Variants in ATP10D observed in about 807,000 individuals in gnomAD.
ATP10D encodes the protein phospholipid-transporting ATPase VD.
A neutral mutation model predicts 144.8 loss-of-function variants in ATP10D; 89 were observed. That is an observed-to-expected ratio of 0.61 (90% CI 0.52 to 0.73). The LOEUF is 0.73. Among genes scored for constraint, ATP10D ranks in the 30% least tolerant of loss-of-function variants. The pLI is 0.00. For synonymous variants in ATP10D, 571 were observed against 615.1 expected, an observed-to-expected ratio of 0.93 and a Z score of 1.06; for missense variants, 1,603 against 1,714.8, an observed-to-expected ratio of 0.93 and a Z score of 1.15.
intron 5 of ATP10D, among the ~76,000 whole-genome samples, chr4:47,528,047 A>G (rs188200877): frequency 5.2e-4 from 79 of 152,308 alleles, no homozygotes; most frequent in Admixed American, 4.6e-3. Context: ...AATTCTAGGA[A>G]AAGTAACAGT....
intron 5 of ATP10D, 152 bp from the exon 6 acceptor site, chr4:47,535,357 C>A: frequency 1.8e-6 from 1 of 552,098 alleles, no homozygotes; most frequent in Non-Finnish European, 3.0e-6. Flanking sequence ...CAAGTAACTG[C>A]AATAACCAAA....
At chr4:47,573,080 T>C in intron 18 of ATP10D, 83 bp downstream of exon 18, 2 of 1,494,530 alleles carry the variant, frequency 1.3e-6, no homozygotes, top group Non-Finnish European at 1.8e-6. Flanking sequence ...AAGTGTCCTA[T>C]GCTAAGCTCA....
intron 1 of ATP10D, among the ~76,000 whole-genome samples, chr4:47,487,757 T>C (rs1714847080): frequency 6.6e-6 from 1 of 152,216 alleles, no homozygotes; most frequent in Admixed American, 6.5e-5. Flanking sequence ...GTAAAAGAGT[T>C]GTGGCCTTAA....
intron 1 of ATP10D, among the ~76,000 whole-genome samples, chr4:47,503,156 C>T (rs1335716834): frequency 2.0e-5 from 3 of 151,906 alleles, no homozygotes; most frequent in Non-Finnish European, 2.9e-5. Context: ...GAGCCGAGAC[C>T]GGACCACTGC....
intron 15 of ATP10D, among the ~76,000 whole-genome samples, chr4:47,567,498 G>A (rs564712333): frequency 2.6e-4 from 40 of 152,200 alleles, no homozygotes; most frequent in Non-Finnish European, 1.0e-4. Context: ...TTATGTTATT[G>A]TATGGTATTG....
intron 22 of ATP10D, 116 bp downstream of exon 22, chr4:47,587,322 C>A: frequency 1.1e-6 from 1 of 907,066 alleles, no homozygotes; most frequent in Non-Finnish European, 1.7e-6. Context: ...GTGAGAAAGT[C>A]AATTTGTGTC....
rs189969500 is a variant in ATP10D at position 47,527,470 on chromosome 4, G to C, written c.776+1828G>C. Among the ~76,000 whole-genome samples, 6 of 152,152 alleles carry C rather than the reference G, an allele frequency of 3.9e-5. No homozygotes were observed. The East Asian group carries it at 1.2e-3, about 29-fold the overall frequency. ...AGAACTCATCAAAATTTAAAATTTT[G>C]CTCCTCCAATGATACTGTTTTTACA... On this transcript the variant is annotated intron_variant, in intron 5 of 22. Transcript: ENST00000273859.
At chr4:47,527,201 G>A (rs903370806) in intron 5 of ATP10D, among the ~76,000 whole-genome samples, 4 of 152,046 alleles carry the variant, frequency 2.6e-5, no homozygotes, top group Admixed American at 1.3e-4. Context: ...CACATAGATG[G>A]AGAAAGGTTA....
chr4:47,569,569 A>G (rs1403756284), intron 16 of ATP10D, among the ~76,000 whole-genome samples: 1 of 152,218 alleles, frequency 6.6e-6, no homozygotes, highest in Non-Finnish European at 1.5e-5. Context: ...TTTCTAAGGA[A>G]TGGAGATACA....
At chr4:47,514,506 T>C (rs1716525858) in intron 2 of ATP10D, among the ~76,000 whole-genome samples, 1 of 152,196 alleles carries the variant, frequency 6.6e-6, no homozygotes, top group Non-Finnish European at 1.5e-5. Context: ...AGTTTCATGG[T>C]CAATGGAAAA....
At chr4:47,580,712 A>T (rs1160119081) in intron 20 of ATP10D, among the ~76,000 whole-genome samples, 3 of 152,178 alleles carry the variant, frequency 2.0e-5, no homozygotes. Flanking sequence ...CTGCTTAAAA[A>T]TTTTTATCAA....
chr4:47,570,925 C>T lies in ATP10D; in HGVS notation c.3164-1229C>T, dbSNP rs558043095. On this transcript the variant is annotated intron_variant, in intron 16 of 22. Transcript: ENST00000273859. ...TATGAGATTAAGATCTCAGAGACTC[C>T]AGTGTTAAACTGAGGACTTGGCATA... is the stretch of plus-strand genomic sequence containing the variant. 3.9e-5 allele frequency among the ~76,000 whole-genome samples: 6 copies of T among 152,156 alleles called. No homozygotes were observed. The South Asian group carries it at 1.0e-3, about 26-fold the overall frequency.
At chr4:47,555,622 A>G (rs1236494107) in intron 11 of ATP10D, among the ~76,000 whole-genome samples, 1 of 152,182 alleles carries the variant, frequency 6.6e-6, no homozygotes, top group Non-Finnish European at 1.5e-5. Context: ...GATGAGAGCA[A>G]TTCATTTTGC....
intron 9 of ATP10D, among the ~76,000 whole-genome samples, chr4:47,537,786 G>A (rs552390265): frequency 2.0e-5 from 3 of 152,102 alleles, no homozygotes; most frequent in South Asian, 4.2e-4. Flanking sequence ...CTTAATGGTG[G>A]CCACTTAGTT....
Position 47,536,802 on chromosome 4 carries a change from C to G in ATP10D, c.1260C>G (p.Cys420Trp). ...AAAAAATGGATTCTATTGTTCAGTG[C>G]CGAGCCCTGAACATCGCCGAGGATC... ...YNEKMDSIVQ[C>W]RALNIAEDLG... is the part of the protein sequence containing the mutation. Residue 420 changes from cysteine to tryptophan, a missense_variant, in exon 9 of 23, where the codon TGC (cysteine) becomes TGG (tryptophan). Transcript: ENST00000273859. 6.2e-7 allele frequency: 1 copy of G among 1,613,092 alleles called. No individual in the cohort carries two copies. The highest frequency in any genetic ancestry group is 8.5e-7 in the Non-Finnish European group (1 of 1,179,552).
intron 9 of ATP10D, among the ~76,000 whole-genome samples, chr4:47,542,538 T>C (rs1718191010): frequency 6.6e-6 from 1 of 152,190 alleles, no homozygotes; most frequent in South Asian, 2.1e-4. Flanking sequence ...AGTGAAGTGG[T>C]GCGATCTTGG....
chr4:47,486,874 T>C (rs1714787388), intron 1 of ATP10D, among the ~76,000 whole-genome samples: 1 of 152,184 alleles, frequency 6.6e-6, no homozygotes, highest in South Asian at 2.1e-4. Context: ...TAAACTAGGA[T>C]GTGGGGAGTG....
Position 47,558,911 on chromosome 4 carries a change from C to G in ATP10D, c.2435-12C>G. The G allele has an allele frequency of 1.2e-6, 2 of 1,600,666 alleles. No homozygotes were observed. The highest frequency in any genetic ancestry group is 1.7e-6 in the Non-Finnish European group (2 of 1,169,984). Reference sequence around the variant, plus strand: ...ACTGGTAGGAACTCAAGCATCTTGTCCATTATTTCAGATGGAGCAAGTCTG... The same window carrying G: ...ACTGGTAGGAACTCAAGCATCTTGTGCATTATTTCAGATGGAGCAAGTCTG... On this transcript the variant is annotated splice_polypyrimidine_tract_variant and intron_variant, in intron 12 of 22. Transcript: ENST00000273859.
chr4:47,505,293 A>G (rs573565416), intron 1 of ATP10D, among the ~76,000 whole-genome samples: 15 of 152,370 alleles, frequency 9.8e-5, no homozygotes, highest in African/African-American at 3.1e-4. Flanking sequence ...GCATTTTGCA[A>G]TAAAGTTACT....
Sources: allele counts gnomAD v4.1 joint callset (sites outside exome capture counted in the v4.1 genomes callset), GRCh38; gene constraint gnomAD v4.1.1; transcripts MANE v1.5; gene names NCBI Gene and HGNC (gene_info 2026-07-23, HGNC 2026-07-21).